Variants in GALNTL6 observed in about 807,000 individuals in gnomAD.
GALNTL6 encodes polypeptide N-acetylgalactosaminyltransferase like 6, also known as polypeptide N-acetylgalactosaminyltransferase-like 6.
A neutral mutation model predicts 73.7 loss-of-function variants in GALNTL6; 46 were observed. The observed-to-expected ratio is 0.62, with a 90% CI of 0.49 to 0.80. GALNTL6 has a LOEUF of 0.80. GALNTL6 is among the 30% of genes least tolerant of loss of function. The pLI is 0.00. For synonymous variants in GALNTL6, 259 were observed against 263.7 expected, an observed-to-expected ratio of 0.98 and a Z score of 0.17; for missense variants, 604 against 755.0, an observed-to-expected ratio of 0.80 and a Z score of 2.34.
chr4:172,589,935 T>C (rs1011269452), intron 5 of GALNTL6, among the ~76,000 whole-genome samples: 3 of 152,190 alleles, frequency 2.0e-5, no homozygotes, highest in African/African-American at 7.2e-5. Flanking sequence ...TCTTTGTAAC[T>C]CTAGATGAAA....
At chr4:172,901,897 A>C (rs1410674264) in intron 8 of GALNTL6, among the ~76,000 whole-genome samples, 1 of 152,206 alleles carries the variant, frequency 6.6e-6, no homozygotes, top group East Asian at 1.9e-4. Context: ...ATCTGTCTGC[A>C]CTGTGTCCAG....
chr4:171,885,150 T>A (rs11932916), intron 2 of GALNTL6, among the ~76,000 whole-genome samples: 75,908 of 151,704 alleles, frequency 0.5, 19,666 homozygotes, highest in Middle Eastern at 0.63. Flanking sequence ...TATAATTACA[T>A]GGTCTCGCAT....
chr4:172,237,600 G>T (rs182018528), intron 3 of GALNTL6, among the ~76,000 whole-genome samples: 1 of 151,838 alleles, frequency 6.6e-6, no homozygotes. Context: ...TGATTCAGTC[G>T]CATTTGTCAA....
At chr4:172,318,810 CAG>C (rs1163401755) in intron 4 of GALNTL6, among the ~76,000 whole-genome samples, 1 of 150,756 alleles carries the variant, frequency 6.6e-6, no homozygotes, top group Non-Finnish European at 1.5e-5. Flanking sequence ...AATGGGAAAA[CAG>C]TGCACATGAA....
intron 3 of GALNTL6, among the ~76,000 whole-genome samples, chr4:172,294,542 C>A (rs1578920713): frequency 6.6e-6 from 1 of 152,022 alleles, no homozygotes; most frequent in Non-Finnish European, 1.5e-5. Context: ...GGAACTAAAT[C>A]AAGCACTTCT....
intron 5 of GALNTL6, among the ~76,000 whole-genome samples, chr4:172,632,850 A>C (rs746249355): frequency 1.3e-5 from 2 of 152,194 alleles, no homozygotes; most frequent in Non-Finnish European, 2.9e-5. Context: ...GGTGCCCTGC[A>C]TCCCAGCTGC....
intron 5 of GALNTL6, among the ~76,000 whole-genome samples, chr4:172,481,280 C>T (rs568706913): frequency 3.3e-5 from 5 of 151,294 alleles, no homozygotes; most frequent in South Asian, 2.1e-4. Flanking sequence ...TTTGTGGTCT[C>T]GCAGGCCTCA....
intron 2 of GALNTL6, among the ~76,000 whole-genome samples, chr4:172,151,375 T>C (rs535223890): frequency 1.3e-5 from 2 of 152,324 alleles, no homozygotes; most frequent in South Asian, 4.1e-4. Context: ...AATACTCGTA[T>C]CCTGATGAAT....
intron 5 of GALNTL6, among the ~76,000 whole-genome samples, chr4:172,548,729 C>G (rs1735858267): frequency 6.6e-6 from 1 of 152,142 alleles, no homozygotes; most frequent in African/African-American, 2.4e-5. Flanking sequence ...TAGATCTTAC[C>G]CATTTTCCAG....
chr4:172,277,031 CT>C (rs746325974), intron 3 of GALNTL6, among the ~76,000 whole-genome samples: 88 of 151,818 alleles, frequency 5.8e-4, no homozygotes, highest in Non-Finnish European at 9.4e-4. Flanking sequence ...TGGATTTTTT[CT>C]TTCTTCTGTT....
chr4:171,853,371 T>TTACAC (rs1735582293), intron 2 of GALNTL6, among the ~76,000 whole-genome samples: 1 of 151,956 alleles, frequency 6.6e-6, no homozygotes. Flanking sequence ...TTTCCCCTTC[T>TTACAC]TACACTCAGC....
chr4:172,826,788 G>A (rs1742291859), intron 7 of GALNTL6, among the ~76,000 whole-genome samples: 1 of 152,218 alleles, frequency 6.6e-6, no homozygotes, highest in African/African-American at 2.4e-5. Flanking sequence ...AATTAAATGT[G>A]TATTTCTTCT....
At chr4:171,830,086 C>T (rs72981973) in intron 2 of GALNTL6, among the ~76,000 whole-genome samples, 4,058 of 151,924 alleles carry the variant, frequency 0.027, 191 homozygotes, top group African/African-American at 0.093. Context: ...AGATAGATAC[C>T]AAGGAGAAGG....
At chr4:172,901,226 G>A (rs919220648) in intron 8 of GALNTL6, among the ~76,000 whole-genome samples, 2 of 152,094 alleles carry the variant, frequency 1.3e-5, no homozygotes, top group Admixed American at 6.6e-5. Flanking sequence ...GGGGGTTCCT[G>A]TCCCTCCCTG....
chr4:172,282,762 C>G (rs1739107951), intron 3 of GALNTL6, among the ~76,000 whole-genome samples: 3 of 151,146 alleles, frequency 2.0e-5, no homozygotes, highest in Admixed American at 6.6e-5. Context: ...TGCAAAGAAG[C>G]AAGTGGATTC....
intron 2 of GALNTL6, among the ~76,000 whole-genome samples, chr4:171,866,697 C>G (rs1238809868): frequency 3.9e-5 from 6 of 152,174 alleles, no homozygotes; most frequent in Non-Finnish European, 8.8e-5. Context: ...CCAGCGGGGT[C>G]GGGTTCTGTT....
intron 5 of GALNTL6, among the ~76,000 whole-genome samples, chr4:172,674,245 AT>A (rs1732153781): frequency 6.6e-6 from 1 of 152,132 alleles, no homozygotes; most frequent in African/African-American, 2.4e-5. Context: ...CAGACATGAA[AT>A]TCTGGGTTGG....
chr4:171,853,490 CA>C (rs1283583674), intron 2 of GALNTL6, among the ~76,000 whole-genome samples: 1 of 145,038 alleles, frequency 6.9e-6, no homozygotes, highest in Non-Finnish European at 1.5e-5. Flanking sequence ...TTCTTTCTTA[CA>C]TTTTTTTTTG....
At chr4:172,750,148 G>A (rs748235150) in intron 5 of GALNTL6, among the ~76,000 whole-genome samples, 1 of 152,104 alleles carries the variant, frequency 6.6e-6, no homozygotes, top group Non-Finnish European at 1.5e-5. Context: ...ATGACATTAA[G>A]TAATACTTCT....
Sources: gnomAD v4.1 joint callset for allele counts (sites outside exome capture counted in the v4.1 genomes callset) on GRCh38, gnomAD v4.1.1 for gene constraint, MANE v1.5 for transcripts, NCBI Gene and HGNC (gene_info 2026-07-23, HGNC 2026-07-21) for gene names.